Variants in NUBPL observed in about 807,000 individuals in gnomAD.
NUBPL encodes iron-sulfur cluster transfer protein NUBPL.
NUBPL carries 31 observed loss-of-function variants against 45.7 expected under a neutral mutation model. The observed-to-expected ratio is 0.68, with a 90% CI of 0.51 to 0.92. The LOEUF (loss-of-function observed/expected upper bound fraction) is 0.92, where lower values mean the gene tolerates loss of function less well. Among genes scored for constraint, NUBPL ranks in the 40% least tolerant of loss-of-function variants. The pLI, the probability that NUBPL is intolerant of heterozygous loss-of-function variation, is 0.00. For synonymous variants in NUBPL, 144 were observed against 140.9 expected, an observed-to-expected ratio of 1.02 and a Z score of -0.15; for missense variants, 401 against 398.7, an observed-to-expected ratio of 1.01 and a Z score of -0.05.
At position 31,860,531 on chromosome 14, in the gene NUBPL, A is replaced by G. The variant is rs1354032894; in HGVS notation, c.*1351A>G. 1.3e-5 allele frequency: 2 copies of G among 152,218 alleles called. No individual in the cohort carries two copies. The highest frequency in any genetic ancestry group is 4.8e-5 in the African/African-American group (2 of 41,450). The allele number at this position is 152,218 out of a possible 1,614,324, so 9.4% of individuals were successfully genotyped here. A position where few individuals can be genotyped will look rare whatever the true frequency, so the allele number is the denominator to read the frequency against. ...GGTAGCAGATAGTTTTAAAGCTGCA[A>G]GTACTGATAAGTGTGAGCCATTAGT... On this transcript the variant is annotated 3_prime_UTR_variant, in exon 11 of 11. Transcript: ENST00000281081.
intron 6 of NUBPL, among the ~76,000 whole-genome samples, chr14:31,762,859 TA>T (rs2038842556): frequency 6.6e-6 from 1 of 152,148 alleles, no homozygotes; most frequent in Admixed American, 6.6e-5. Flanking sequence ...GATTCATAGA[TA>T]ATTGCTGCTG....
chr14:31,695,363 A>G (rs979323185), intron 6 of NUBPL, among the ~76,000 whole-genome samples: 19 of 143,282 alleles, frequency 1.3e-4, no homozygotes, highest in Non-Finnish European at 1.5e-5. Context: ...TTTTTTTTTA[A>G]ATGTTGCTAC....
At chr14:31,656,731 A>G (rs2036149893) in intron 4 of NUBPL, among the ~76,000 whole-genome samples, 3 of 152,228 alleles carry the variant, frequency 2.0e-5, no homozygotes, top group Non-Finnish European at 4.4e-5. Context: ...CATGATAGAC[A>G]TACTAATAAT....
At chr14:31,690,538 G>A (rs562223191) in intron 6 of NUBPL, among the ~76,000 whole-genome samples, 25 of 152,184 alleles carry the variant, frequency 1.6e-4, no homozygotes, top group Non-Finnish European at 2.4e-4. Context: ...GACCTTTAAG[G>A]CTCATTATGC....
chr14:31,591,402 T>C (rs1595334041), intron 3 of NUBPL, among the ~76,000 whole-genome samples: 1 of 152,006 alleles, frequency 6.6e-6, no homozygotes, highest in Non-Finnish European at 1.5e-5. Context: ...CCTCAAATGA[T>C]CCTCCCGCCT....
intron 6 of NUBPL, among the ~76,000 whole-genome samples, chr14:31,725,128 C>A (rs906743636): frequency 1.3e-5 from 2 of 151,912 alleles, no homozygotes; most frequent in African/African-American, 2.4e-5. Flanking sequence ...AAAAGGATTA[C>A]TTTGGTGGCT....
At position 31,835,765 on chromosome 14, in the gene NUBPL, T is replaced by C. The variant is rs551269501; in HGVS notation, c.693+9051T>C. On this transcript the variant is annotated intron_variant, in intron 8 of 10. Transcript: ENST00000281081. ...GAGAAAACAAGAACACCTGTCTCAT[T>C]TTTAAAACTTATAACATCCATGCAC... Among the ~76,000 whole-genome samples, 8 of 152,306 alleles carry C rather than the reference T, an allele frequency of 5.3e-5. No homozygotes were observed. The South Asian group carries it at 1.7e-3, about 32-fold the overall frequency.
At chr14:31,858,399 C>T (rs995450929) in intron 10 of NUBPL, among the ~76,000 whole-genome samples, 3 of 152,162 alleles carry the variant, frequency 2.0e-5, no homozygotes, top group Non-Finnish European at 4.4e-5. Context: ...TCTACAGTTA[C>T]TTTTTATGAA....
chr14:31,765,864 A>G (rs902470665), intron 6 of NUBPL, among the ~76,000 whole-genome samples: 2 of 152,218 alleles, frequency 1.3e-5, no homozygotes, highest in African/African-American at 4.8e-5. Flanking sequence ...ACCATAAAGA[A>G]TATATAAACA....
At chr14:31,783,429 G>A (rs186911419) in intron 6 of NUBPL, among the ~76,000 whole-genome samples, 315 of 151,958 alleles carry the variant, frequency 2.1e-3, no homozygotes, top group Non-Finnish European at 3.7e-3. Flanking sequence ...TGTTTTTCAG[G>A]TACATTAAAT....
At chr14:31,671,748 G>A (rs1318045957) in intron 4 of NUBPL, among the ~76,000 whole-genome samples, 6 of 152,202 alleles carry the variant, frequency 3.9e-5, no homozygotes, top group Non-Finnish European at 7.3e-5. Context: ...TACACTCATT[G>A]AGTATTCCTT....
At chr14:31,613,409 G>A (rs1013855631) in intron 4 of NUBPL, among the ~76,000 whole-genome samples, 11 of 152,120 alleles carry the variant, frequency 7.2e-5, no homozygotes, top group African/African-American at 2.2e-4. Flanking sequence ...ACTGTAGTCC[G>A]TAATAACTTA....
rs745726910 is a variant in NUBPL, at chr14:31,859,145, G to C, written c.925G>C (p.Glu309Gln). The C allele has an allele frequency of 1.2e-6, 2 of 1,613,950 alleles. No homozygotes were observed. Among genetic ancestry groups the C allele is most frequent in the South Asian group, 2.2e-5 (2 of 91,086 alleles). The stretch of plus-strand genomic sequence containing the variant: ...CAAAGCTTACTTGAGGATTGCTGTG[G>C]AAGTGGTAAGAAGATTGCCATCACC... ...EAKAYLRIAV[E>Q]VVRRLPSPSE The change falls in exon 11 of 11, where the codon GAA (glutamate) becomes CAA (glutamine). Residue 309 changes from glutamate (E) to glutamine (Q), a missense_variant. Transcript: ENST00000281081.
At chr14:31,759,208 T>C (rs945159004) in intron 6 of NUBPL, among the ~76,000 whole-genome samples, 33 of 152,332 alleles carry the variant, frequency 2.2e-4, no homozygotes, top group South Asian at 2.1e-4. Context: ...TTTTTAAATT[T>C]CTTTGTTTTT....
At chr14:31,602,044 G>C (rs1365991704) in intron 4 of NUBPL, among the ~76,000 whole-genome samples, 4 of 152,118 alleles carry the variant, frequency 2.6e-5, no homozygotes, top group African/African-American at 9.7e-5. Flanking sequence ...ATACACCATG[G>C]AATACTATGC....
In NUBPL at chr14:31,684,722, G is replaced by A. The variant is rs192178022; in HGVS notation, c.513+11148G>A. On this transcript the variant is annotated intron_variant, in intron 6 of 10. Transcript: ENST00000281081. ...CCTATTAGACCCCAATTTATCTTAG[G>A]TGTTTTTTTCGTTTAGTGCTACACA... is the stretch of plus-strand genomic sequence containing the variant. Among the ~76,000 whole-genome samples, 4 of 152,152 alleles carry A rather than the reference G, an allele frequency of 2.6e-5. No individual in the cohort carries two copies. The South Asian group carries it at 6.2e-4, about 24-fold the overall frequency.
intron 4 of NUBPL, among the ~76,000 whole-genome samples, chr14:31,610,608 C>CA (rs775656176): frequency 0.39 from 37,315 of 94,482 alleles, 6,641 homozygotes; most frequent in East Asian, 0.44. Flanking sequence ...AAAGATACAT[C>CA]AAAAAAAAAA....
At chr14:31,621,495 A>C (rs969080168) in intron 4 of NUBPL, among the ~76,000 whole-genome samples, 3 of 152,176 alleles carry the variant, frequency 2.0e-5, no homozygotes, top group African/African-American at 7.2e-5. Flanking sequence ...TGGAGTGCAC[A>C]GTTCCTCTTG....
intron 6 of NUBPL, among the ~76,000 whole-genome samples, chr14:31,769,931 A>T (rs1002438862): frequency 6.6e-6 from 1 of 152,178 alleles, no homozygotes; most frequent in Non-Finnish European, 1.5e-5. Context: ...GAATTTAGGT[A>T]TGCCAGTCTC....
Sources: gnomAD v4.1 joint callset for allele counts (sites outside exome capture counted in the v4.1 genomes callset) on GRCh38, gnomAD v4.1.1 for gene constraint, MANE v1.5 for transcripts, NCBI Gene and HGNC (gene_info 2026-07-23, HGNC 2026-07-21) for gene names.